TBL3: variants seen among roughly 807,000 people sequenced by gnomAD.
TBL3 encodes transducin beta like 3, also known as transducin beta-like protein 3.
TBL3 carries 71 observed loss-of-function variants against 102.7 expected under a neutral mutation model. The observed-to-expected ratio is 0.69, with a 90% CI of 0.57 to 0.84. The LOEUF is 0.84. Among genes scored for constraint, TBL3 ranks in the 40% least tolerant of loss-of-function variants. The pLI, the probability that TBL3 is intolerant of heterozygous loss-of-function variation, is 0.00. For missense variants in TBL3, 1,188 were observed against 1,098.5 expected (o/e 1.08, Z -1.15); for synonymous variants, 578 against 477.7 (o/e 1.21, Z -2.74).
chr16:1,973,226 G>C (rs56675820), intron 1 of TBL3, among the ~76,000 whole-genome samples: 18,068 of 152,194 alleles, frequency 0.12, 1,185 homozygotes, highest in African/African-American at 0.13. Context: ...CGGATCACGA[G>C]GTCAGGAGAT....
Position 1,978,683 on chromosome 16 carries a change from T to C in TBL3, c.2425T>C (p.Ter809GlnextTer10). ...GGAAACCCATAAAGGCGCACTGCCC[T>C]AGCCGGTCCGGCCTCTCTCCAGTCC... ...PWETHKGALP* is the reference protein window; with the variant it reads ...PWETHKGALPQ The change falls in exon 22 of 22, where the codon TAG becomes CAG. Residue 809 changes from the stop codon to glutamine, a stop_lost. Transcript: ENST00000568546. 1 of 1,608,032 alleles carries C rather than the reference T, an allele frequency of 6.2e-7. No individual in the cohort carries two copies. The highest frequency in any genetic ancestry group is 8.5e-7 in the Non-Finnish European group (1 of 1,176,372).
rs112842863 is a variant in TBL3 at position 1,977,703 on chromosome 16, G to A, written c.1899+33G>A. 2,022 of 1,551,894 alleles carry A rather than the reference G, an allele frequency of 1.3e-3. 21 individuals carry two copies. The African/African-American group carries it at 0.025, about 19-fold the overall frequency. On this transcript the variant is annotated intron_variant, in intron 17 of 21. Transcript: ENST00000568546. Reference sequence around the variant, plus strand: ...GCCCCAAGGGCAGGGAAGAGTCGGGGTGGAGTGGAGGCCCCATCTGACCCT... The same window carrying A: ...GCCCCAAGGGCAGGGAAGAGTCGGGATGGAGTGGAGGCCCCATCTGACCCT...
rs376312704 is a variant in TBL3, at chr16:1,977,654, G to A, written c.1883G>A (p.Arg628Gln). The change falls in exon 17 of 22, where the codon CGA (arginine) becomes CAA (glutamine). Residue 628 changes from arginine (R) to glutamine (Q), a missense_variant. Arg to Gln is a conservative substitution (Grantham distance 43). Coordinates refer to ENST00000568546, the MANE Select transcript of TBL3 (RefSeq NM_006453.3). ...GCCCTCACTGGGGCCAGTGACTCCC[G>A]AGTCATCCTCTGGAAGGTTGTGGGC... The part of the protein sequence containing the change: ...DHALTGASDS[R>Q]VILWKDVTEA... 2.3e-5 allele frequency: 35 copies of A among 1,551,818 alleles called. No individual in the cohort carries two copies. Among genetic ancestry groups the A allele is most frequent in the African/African-American group, 1.6e-4 (12 of 73,212 alleles).
Position 1,974,320 on chromosome 16 carries a change from C to T in TBL3, c.189+28C>T, listed in dbSNP as rs777243735. 1.3e-6 allele frequency: 2 copies of T among 1,583,596 alleles called. No individual in the cohort carries two copies. The highest frequency in any genetic ancestry group is 8.6e-7 in the Non-Finnish European group (1 of 1,162,158). On this transcript the variant is annotated intron_variant, in intron 3 of 21. Transcript: ENST00000568546. The stretch of plus-strand genomic sequence containing the variant: ...GAGGGCAGCCTGGGTGGGTGAGGGG[C>T]AAGTGGAGAGGGCAGCCCACTCACA...
rs766864101 is a variant in TBL3, at chr16:1,976,315, G to A, written c.1292+1G>A. On this transcript the variant is annotated splice_donor_variant, in intron 13 of 21. Coordinates refer to ENST00000568546, the MANE Select transcript of TBL3 (RefSeq NM_006453.3). LOFTEE classifies it high-confidence loss of function. ...GTGTGGGCACCGTCTGCTGCTCTAG[G>A]TAGTGAGTCGGGGCTGGGCCCAGGG... 1.2e-6 allele frequency: 2 copies of A among 1,612,200 alleles called. No homozygotes were observed. Among genetic ancestry groups the A allele is most frequent in the Non-Finnish European group, 1.7e-6 (2 of 1,179,196 alleles).
intron 5 of TBL3, 31 bp from the exon 6 acceptor site, chr16:1,974,732 C>G: frequency 6.2e-7 from 1 of 1,611,928 alleles, no homozygotes; most frequent in Non-Finnish European, 8.5e-7. Flanking sequence ...GGGCTTTGGG[C>G]ATTCCACCCC....
chr16:1,982,917 CA>C lies in TBL3; in HGVS notation c.*4244del, dbSNP rs58345829. 1.8e-3 allele frequency: 254 copies of C among 144,262 alleles called. No homozygotes were observed. The highest frequency in any genetic ancestry group is 2.1e-3 in the African/African-American group (83 of 40,230). 8.9% of individuals were successfully genotyped at this position (144,262 alleles called of 1,614,324 possible). ...TGGGTAACGGAACAAGACCCTGTCTCAAAAAAAAAAAAGAAATCCACTCCCC... is the reference window on the plus strand; with the variant it reads ...TGGGTAACGGAACAAGACCCTGTCTCAAAAAAAAAAAGAAATCCACTCCCC... On this transcript the variant is annotated 3_prime_UTR_variant, in exon 22 of 22. Transcript: ENST00000568546.
rs761563596 is a variant in TBL3 at position 1,975,033 on chromosome 16, G to A, written c.570G>A (p.Val190=). ...WSLQDRSCLA[V]LTAHYSAVTS... ...TGCAGGACCGGTCATGCCTGGCTGTGCTGACTGCCCACTACAGCGCCGTCA... is the reference window on the plus strand; with the variant it reads ...TGCAGGACCGGTCATGCCTGGCTGTACTGACTGCCCACTACAGCGCCGTCA... The change falls in exon 7 of 22, where the codon GTG becomes GTA. Residue 190 remains valine (V), a synonymous_variant. Coordinates refer to ENST00000568546, the MANE Select transcript of TBL3 (RefSeq NM_006453.3). 1 of 1,607,284 alleles carries A rather than the reference G, an allele frequency of 6.2e-7. No homozygotes were observed. The highest frequency in any genetic ancestry group is 8.5e-7 in the Non-Finnish European group (1 of 1,179,988).
intron 18 of TBL3, 47 bp from the exon 19 acceptor site, chr16:1,977,911 C>A (rs773267362): frequency 6.3e-7 from 1 of 1,588,414 alleles, no homozygotes; most frequent in South Asian, 1.1e-5. Context: ...GCTCTGCCTG[C>A]AGCCCCAGCC....
chr16:1,981,162 G>A lies in TBL3; in HGVS notation c.*2477G>A, dbSNP rs139337010. 2.5e-6 allele frequency: 4 copies of A among 1,613,538 alleles called. No individual in the cohort carries two copies. Among genetic ancestry groups the A allele is most frequent in the African/African-American group, 1.3e-5 (1 of 75,048 alleles). ...GGGCTGCCCCTTGCACTGAAACTGGGTATCGGGGGCCTGCCATGGCTGTGG... is the reference window on the plus strand; with the variant it reads ...GGGCTGCCCCTTGCACTGAAACTGGATATCGGGGGCCTGCCATGGCTGTGG... On this transcript the variant is annotated 3_prime_UTR_variant, in exon 22 of 22. Transcript: ENST00000568546.
rs1244869701 is a variant in TBL3, at chr16:1,978,005, C to T, written c.2006C>T (p.Ala669Val). 9.3e-6 allele frequency: 15 copies of T among 1,607,088 alleles called. No individual in the cohort carries two copies. The highest frequency in any genetic ancestry group is 4.0e-5 in the African/African-American group (3 of 74,854). Residue 669 changes from alanine to valine, a missense_variant, in exon 19 of 22, where the codon GCG becomes GTG. Ala to Val is a moderately conservative substitution (Grantham distance 64). Transcript: ENST00000568546. ...CTGCATGAGAAGCGGTACCTGCGGG[C>T]GCTGGGCCTGGCCATCTCCCTGGAT... ...NLLHEKRYLR[A>V]LGLAISLDRP...
rs1284844823 is a variant in TBL3, at chr16:1,975,718, C to T, written c.987+8C>T. On this transcript the variant is annotated splice_region_variant and intron_variant, in intron 10 of 21. Coordinates refer to ENST00000568546, the MANE Select transcript of TBL3 (RefSeq NM_006453.3). ...CTGCGGCTGCAGAAACAGGTGCACA[C>T]CTGCCCTTGCTCAGTCTGGAGGCTG... 2 of 1,612,350 alleles carry T rather than the reference C, an allele frequency of 1.2e-6. No individual in the cohort carries two copies. The highest frequency in any genetic ancestry group is 1.1e-5 in the South Asian group (1 of 91,014).
Position 1,979,455 on chromosome 16 carries a change from T to C in TBL3, c.*770T>C. 1 of 1,611,284 alleles carries C rather than the reference T, an allele frequency of 6.2e-7. No homozygotes were observed. The highest frequency in any genetic ancestry group is 8.5e-7 in the Non-Finnish European group (1 of 1,179,450). On this transcript the variant is annotated 3_prime_UTR_variant, in exon 22 of 22. Transcript: ENST00000568546. Reference sequence around the variant, plus strand: ...TAGCCACCAGCCGCGGTCTGACGTTTCCAACACGCGCACGCGCGCCCCCGC... The same window carrying C: ...TAGCCACCAGCCGCGGTCTGACGTTCCCAACACGCGCACGCGCGCCCCCGC...
chr16:1,982,040 C>T lies in TBL3; in HGVS notation c.*3355C>T, dbSNP rs1235755043. On this transcript the variant is annotated 3_prime_UTR_variant, in exon 22 of 22. Transcript: ENST00000568546. ...GGCAGAGGCTCGCCCAGGTGCCCCA[C>T]CTCTCTGGCTGCTTCCTTATAGTTC... is the stretch of plus-strand genomic sequence containing the variant. 1 of 152,142 alleles carries T rather than the reference C, an allele frequency of 6.6e-6. No individual in the cohort carries two copies. The highest frequency in any genetic ancestry group is 1.5e-5 in the Non-Finnish European group (1 of 68,024). The allele number at this position is 152,142 out of a possible 1,614,324, so 9.4% of individuals were successfully genotyped here. A position where few individuals can be genotyped will look rare whatever the true frequency, so the allele number is the denominator to read the frequency against.
At position 1,976,895 on chromosome 16, in the gene TBL3, G is replaced by A. The variant is rs1381754139; in HGVS notation, c.1374G>A (p.Lys458=). 3 of 1,613,860 alleles carry A rather than the reference G, an allele frequency of 1.9e-6. No homozygotes were observed. Among genetic ancestry groups the A allele is most frequent in the African/African-American group, 1.3e-5 (1 of 74,910 alleles). ...LWPLPKALLS[K]NTAPDNGPIL... ...CTCTTCCCAAAGCCTTGCTGTCCAAGAACACAGCCCCAGACAACGGCCCTA... is the reference window on the plus strand; with the variant it reads ...CTCTTCCCAAAGCCTTGCTGTCCAAAAACACAGCCCCAGACAACGGCCCTA... The change falls in exon 14 of 22, where the codon AAG becomes AAA. Residue 458 remains lysine (K), a synonymous_variant. Coordinates refer to ENST00000568546, the MANE Select transcript of TBL3 (RefSeq NM_006453.3).
Position 1,975,428 on chromosome 16 carries a change from T to TGGC in TBL3, c.797_799dup (p.Gly266dup). The TGGC allele has an allele frequency of 1.2e-6, 2 of 1,613,756 alleles. No individual in the cohort carries two copies. Among genetic ancestry groups the TGGC allele is most frequent in the Non-Finnish European group, 1.7e-6 (2 of 1,179,912 alleles). On this transcript the variant is annotated inframe_insertion, in exon 9 of 22. Coordinates refer to ENST00000568546, the MANE Select transcript of TBL3 (RefSeq NM_006453.3). ...CCCCAGGGCTGTACTTTCTGACAGC[T>TGGC]GGCGACCAAGGTGTGTTGGGCCGGG...
At position 1,974,626 on chromosome 16, in the gene TBL3, C is replaced by T. The variant is rs369061254; in HGVS notation, c.326C>T (p.Thr109Met). 1.8e-4 allele frequency: 282 copies of T among 1,610,152 alleles called. No individual in the cohort carries two copies. Among genetic ancestry groups the T allele is most frequent in the Non-Finnish European group, 2.1e-4 (249 of 1,177,746 alleles). Residue 109 changes from threonine to methionine, a missense_variant, in exon 5 of 22, where the codon ACG (threonine) becomes ATG (methionine). By Grantham distance (81) the Thr-to-Met change is moderately conservative. Transcript: ENST00000568546. ...SVTRLWKAIH[T>M]APVATMAFDP... The stretch of plus-strand genomic sequence containing the variant: ...ACCCGCCTGTGGAAGGCGATACACA[C>T]GGCCCCCGTGGCCACCATGGCCTTC...
Position 1,978,877 on chromosome 16 carries a change from G to A in TBL3, c.*192G>A, listed in dbSNP as rs2083431604. 1.9e-6 allele frequency: 2 copies of A among 1,074,824 alleles called. No individual in the cohort carries two copies. The highest frequency in any genetic ancestry group is 2.6e-6 in the Non-Finnish European group (2 of 758,862). The allele number at this position is 1,074,824 out of a possible 1,614,324, so 66.6% of individuals were successfully genotyped here. On this transcript the variant is annotated 3_prime_UTR_variant, in exon 22 of 22. Transcript: ENST00000568546. ...GCCCATCCCGCACCCTGGCCTGGCA[G>A]AGATCCAGCCCGCGGCTCCGCACGC...
chr16:1,978,871 C>G lies in TBL3; in HGVS notation c.*186C>G. 1 of 1,084,746 alleles carries G rather than the reference C, an allele frequency of 9.2e-7. No individual in the cohort carries two copies. Among genetic ancestry groups the G allele is most frequent in the Non-Finnish European group, 1.3e-6 (1 of 767,206 alleles). 67.2% of individuals were successfully genotyped at this position (1,084,746 alleles called of 1,614,324 possible). ...TGCCACGCCCATCCCGCACCCTGGCCTGGCAGAGATCCAGCCCGCGGCTCC... is the reference window on the plus strand; with the variant it reads ...TGCCACGCCCATCCCGCACCCTGGCGTGGCAGAGATCCAGCCCGCGGCTCC... On this transcript the variant is annotated 3_prime_UTR_variant, in exon 22 of 22. Transcript: ENST00000568546.
Sources: gnomAD v4.1 joint callset for allele counts (sites outside exome capture counted in the v4.1 genomes callset) on GRCh38, gnomAD v4.1.1 for gene constraint, MANE v1.5 for transcripts, NCBI Gene and HGNC (gene_info 2026-07-23, HGNC 2026-07-21) for gene names.